GRIN2B: variants seen among roughly 807,000 people sequenced by gnomAD.
The protein encoded by GRIN2B is glutamate ionotropic receptor NMDA type subunit 2B.
In GRIN2B, 5 loss-of-function variants were observed where a neutral mutation model predicts 114.5. The observed-to-expected ratio is 0.04, with a 90% CI of 0.02 to 0.09. The LOEUF is 0.09. Among genes scored for constraint, GRIN2B ranks in the 10% least tolerant of loss-of-function variants. GRIN2B has a pLI of 1.00. For synonymous variants in GRIN2B, 787 were observed against 745.1 expected (o/e 1.06, Z -0.92); for missense variants, 1,108 against 1,943.5 (o/e 0.57, Z 8.08).
intron 2 of GRIN2B, among the ~76,000 whole-genome samples, chr12:13,882,362 T>A (rs1591601079): frequency 6.6e-6 from 1 of 152,082 alleles, no homozygotes; most frequent in African/African-American, 2.4e-5. Context: ...AAGCAGGAAT[T>A]CCCCGTCAAT....
intron 5 of GRIN2B, among the ~76,000 whole-genome samples, chr12:13,656,651 A>G (rs1412908907): frequency 2.6e-5 from 4 of 152,212 alleles, no homozygotes; most frequent in Admixed American, 2.0e-4. Flanking sequence ...CCTTCCCAGG[A>G]AGGTAGCTGT....
intron 10 of GRIN2B, among the ~76,000 whole-genome samples, chr12:13,574,838 C>CATTA (rs2136419482): frequency 6.6e-6 from 1 of 152,288 alleles, no homozygotes; most frequent in South Asian, 2.1e-4. Flanking sequence ...CTTTAAGATT[C>CATTA]ATTATAAAGC....
chr12:13,961,799 A>C (rs987820739), intron 2 of GRIN2B, among the ~76,000 whole-genome samples: 1 of 152,146 alleles, frequency 6.6e-6, no homozygotes, highest in Non-Finnish European at 1.5e-5. Flanking sequence ...GAATCACTGG[A>C]GTCCCAAGAA....
intron 3 of GRIN2B, among the ~76,000 whole-genome samples, chr12:13,769,088 C>T (rs11055610): frequency 0.056 from 8,563 of 152,190 alleles, 344 homozygotes; most frequent in East Asian, 0.2. Context: ...CCGCTAGTTA[C>T]TATTTCCTTG....
intron 2 of GRIN2B, among the ~76,000 whole-genome samples, chr12:13,916,045 T>C (rs1324980860): frequency 6.6e-6 from 1 of 152,108 alleles, no homozygotes; most frequent in African/African-American, 2.4e-5. Flanking sequence ...TGCAGTGGGA[T>C]AACTCTATAG....
At chr12:13,836,264 G>T (rs775804157) in intron 3 of GRIN2B, among the ~76,000 whole-genome samples, 3 of 152,174 alleles carry the variant, frequency 2.0e-5, no homozygotes, top group Non-Finnish European at 2.9e-5. Context: ...ATCTTGTGCC[G>T]TTGGGGAAGT....
intron 3 of GRIN2B, among the ~76,000 whole-genome samples, chr12:13,813,955 A>G (rs1864776332): frequency 6.6e-6 from 1 of 152,204 alleles, no homozygotes; most frequent in Non-Finnish European, 1.5e-5. Context: ...ATGTATTCTC[A>G]TGCATCATCA....
At chr12:13,627,751 G>T (rs1377908575) in intron 5 of GRIN2B, among the ~76,000 whole-genome samples, 2 of 152,204 alleles carry the variant, frequency 1.3e-5, no homozygotes, top group Admixed American at 1.3e-4. Context: ...GGCCTTGTGG[G>T]GGTGCTTGGA....
In GRIN2B at chr12:13,808,743, T is replaced by TAA. The variant is rs61197260; in HGVS notation, c.412-54830_412-54829dup. Among the ~76,000 whole-genome samples the TAA allele has an allele frequency of 4.9e-3, 564 of 115,028 alleles. 15 individuals are homozygous for TAA. Among genetic ancestry groups the TAA allele is most frequent in the South Asian group, 0.047 (155 of 3,332 alleles). The allele number at this position is 115,028 out of a possible 152,430, so 75.5% of individuals were successfully genotyped here. A position where few individuals can be genotyped will look rare whatever the true frequency, so the allele number is the denominator to read the frequency against. On this transcript the variant is annotated intron_variant, in intron 3 of 13. Coordinates refer to ENST00000609686, the MANE Select transcript of GRIN2B (RefSeq NM_000834.5). Reference sequence around the variant, plus strand: ...ATGTACCCTAGAACTTAAAGTATAATAAAAAAAAAATATATATATATATAT... The same window carrying TAA: ...ATGTACCCTAGAACTTAAAGTATAATAAAAAAAAAAAATATATATATATATAT...
At chr12:13,827,143 T>C (rs1865053327) in intron 3 of GRIN2B, among the ~76,000 whole-genome samples, 4 of 151,426 alleles carry the variant, frequency 2.6e-5, no homozygotes. Flanking sequence ...TTATATGTCT[T>C]TTTTTCCCTC....
chr12:13,863,655 C>T (rs530773452), intron 3 of GRIN2B, among the ~76,000 whole-genome samples: 1 of 152,298 alleles, frequency 6.6e-6, no homozygotes, highest in South Asian at 2.1e-4. Flanking sequence ...ACTCTCAAAG[C>T]CCCTAAGATA....
At chr12:13,771,325 T>A (rs995403769) in intron 3 of GRIN2B, among the ~76,000 whole-genome samples, 1 of 152,236 alleles carries the variant, frequency 6.6e-6, no homozygotes, top group Non-Finnish European at 1.5e-5. Flanking sequence ...GTCTTGGGTA[T>A]GTCTTTATTA....
At chr12:13,588,381 G>A (rs1321876925) in intron 10 of GRIN2B, among the ~76,000 whole-genome samples, 1 of 152,144 alleles carries the variant, frequency 6.6e-6, no homozygotes, top group African/African-American at 2.4e-5. Context: ...AAACACACAG[G>A]GAAGGGTCTT....
chr12:13,934,989 C>T (rs911201435), intron 2 of GRIN2B, among the ~76,000 whole-genome samples: 1 of 152,154 alleles, frequency 6.6e-6, no homozygotes, highest in African/African-American at 2.4e-5. Flanking sequence ...CCTGGTTCAC[C>T]TGAATGGATA....
intron 3 of GRIN2B, among the ~76,000 whole-genome samples, chr12:13,755,272 C>A (rs1256533840): frequency 6.6e-6 from 1 of 152,062 alleles, no homozygotes; most frequent in Non-Finnish European, 1.5e-5. Flanking sequence ...TCTTCAGCAC[C>A]CCTTATTGAA....
At chr12:13,614,480 T>C (rs764965107) in intron 8 of GRIN2B, among the ~76,000 whole-genome samples, 6 of 152,094 alleles carry the variant, frequency 3.9e-5, no homozygotes, top group Non-Finnish European at 5.9e-5. Flanking sequence ...CCTCATCTAA[T>C]TGAAATCTTG....
intron 2 of GRIN2B, among the ~76,000 whole-genome samples, chr12:13,892,337 C>T (rs1866277238): frequency 6.6e-6 from 1 of 152,186 alleles, no homozygotes; most frequent in South Asian, 2.1e-4. Context: ...GCTTATATGT[C>T]AAATCCAATA....
At chr12:13,954,810 G>GAAAAAAAA (rs1591639381) in intron 2 of GRIN2B, among the ~76,000 whole-genome samples, 2 of 1,302 alleles carry the variant, frequency 1.5e-3, no homozygotes. Flanking sequence ...CTCCGTCTCA[G>GAAAAAAAA]GAAAAAAAAA....
chr12:13,855,221 A>G (rs1865639923), intron 3 of GRIN2B, among the ~76,000 whole-genome samples: 1 of 152,124 alleles, frequency 6.6e-6, no homozygotes, highest in Non-Finnish European at 1.5e-5. Context: ...CTGTTGAAAG[A>G]AAGAAAAGAG....
Sources: allele counts gnomAD v4.1 joint callset (sites outside exome capture counted in the v4.1 genomes callset), GRCh38; gene constraint gnomAD v4.1.1; transcripts MANE v1.5; gene names NCBI Gene and HGNC (gene_info 2026-07-23, HGNC 2026-07-21).